Variants in SNTG1 observed in about 807,000 individuals in gnomAD.
SNTG1 encodes the protein syntrophin gamma 1, also known as gamma-1-syntrophin.
A neutral mutation model predicts 74.7 loss-of-function variants in SNTG1; 39 were observed. The ratio of observed to expected loss-of-function variants is 0.52; its 90% CI spans 0.40 to 0.68. SNTG1 has a LOEUF of 0.68. Among genes scored for constraint, SNTG1 ranks in the 30% least tolerant of loss-of-function variants. The probability of loss-of-function intolerance (pLI) is 0.00; values close to 1 mark genes in which losing one functional copy is unlikely to be tolerated. For missense variants in SNTG1, 685 were observed against 609.5 expected (o/e 1.12, Z -1.30); for synonymous variants, 254 against 217.1 (o/e 1.17, Z -1.49).
intron 17 of SNTG1, among the ~76,000 whole-genome samples, chr8:50,750,274 T>A (rs538807625): frequency 3.9e-5 from 6 of 152,134 alleles, no homozygotes; most frequent in South Asian, 4.1e-4. Context: ...TGCAATCTCA[T>A]GATAAAACTT....
intron 9 of SNTG1, among the ~76,000 whole-genome samples, chr8:50,510,272 A>G (rs182595395): frequency 1.3e-5 from 2 of 152,048 alleles, no homozygotes; most frequent in African/African-American, 2.4e-5. Context: ...AGCCCACTTG[A>G]TCATGTTGGA....
intron 2 of SNTG1, among the ~76,000 whole-genome samples, chr8:50,226,737 C>T (rs1377210762): frequency 1.3e-5 from 2 of 152,140 alleles, no homozygotes; most frequent in Non-Finnish European, 2.9e-5. Flanking sequence ...TGGTTGATGT[C>T]TCATGCCTCT....
intron 9 of SNTG1, among the ~76,000 whole-genome samples, chr8:50,506,271 A>G (rs2094005765): frequency 6.6e-6 from 1 of 152,080 alleles, no homozygotes; most frequent in Non-Finnish European, 1.5e-5. Flanking sequence ...TCTTGAGTTC[A>G]GAAAGTGTAA....
chr8:50,599,104 A>G (rs1454158360), intron 13 of SNTG1, among the ~76,000 whole-genome samples: 1 of 151,964 alleles, frequency 6.6e-6, no homozygotes, highest in East Asian at 1.9e-4. Flanking sequence ...TCCCAGCACC[A>G]TTGATTGAAG....
In SNTG1 at chr8:50,539,639, C is replaced by T. The variant is rs117129771; in HGVS notation, c.680+2831C>T. Among the ~76,000 whole-genome samples the T allele has an allele frequency of 3.9e-4, 59 of 152,254 alleles. No individual in the cohort carries two copies. The East Asian group carries it at 0.011, about 27-fold the overall frequency. Reference sequence around the variant, plus strand: ...GGAAGGGGAGGCACAGTACTTGTCCCATCTCCCACAAGCCCATTTATTCTA... The same window carrying T: ...GGAAGGGGAGGCACAGTACTTGTCCTATCTCCCACAAGCCCATTTATTCTA... On this transcript the variant is annotated intron_variant, in intron 11 of 18. Coordinates refer to ENST00000642720, the MANE Select transcript of SNTG1 (RefSeq NM_018967.5).
chr8:50,393,470 C>T (rs1428101357), intron 2 of SNTG1, among the ~76,000 whole-genome samples: 1 of 152,128 alleles, frequency 6.6e-6, no homozygotes, highest in Non-Finnish European at 1.5e-5. Context: ...TATTTTGGCT[C>T]TGCATTGCTT....
chr8:50,101,554 T>A (rs2080125035), intron 1 of SNTG1, among the ~76,000 whole-genome samples: 1 of 151,980 alleles, frequency 6.6e-6, no homozygotes, highest in African/African-American at 2.4e-5. Context: ...TTTCTTATTT[T>A]ATTTTATTTT....
intron 1 of SNTG1, among the ~76,000 whole-genome samples, chr8:50,094,378 C>A (rs997912727): frequency 3.3e-5 from 5 of 151,976 alleles, no homozygotes; most frequent in African/African-American, 9.7e-5. Context: ...AAGAAACTAT[C>A]AAGAGAGGAA....
intron 1 of SNTG1, among the ~76,000 whole-genome samples, chr8:50,002,427 G>A (rs1814827332): frequency 6.6e-6 from 1 of 151,990 alleles, no homozygotes; most frequent in Non-Finnish European, 1.5e-5. Flanking sequence ...GTTTTTCTGT[G>A]AGTTGGTTTA....
intron 2 of SNTG1, among the ~76,000 whole-genome samples, chr8:50,253,899 G>C (rs1597431): frequency 0.56 from 85,220 of 151,224 alleles, 27,670 homozygotes; most frequent in East Asian, 0.83. Flanking sequence ...TAAAGCGAGG[G>C]GAGTAGGGAG....
chr8:50,055,003 C>T (rs939923754), intron 1 of SNTG1, among the ~76,000 whole-genome samples: 12 of 152,008 alleles, frequency 7.9e-5, no homozygotes, highest in African/African-American at 2.2e-4. Context: ...TTTTTTTAAA[C>T]TTCTCTCACT....
chr8:50,625,639 C>A (rs1204263788), intron 13 of SNTG1, among the ~76,000 whole-genome samples: 3 of 152,184 alleles, frequency 2.0e-5, no homozygotes, highest in Admixed American at 6.5e-5. Flanking sequence ...GTGAAGTCAA[C>A]TTGCTAAAAG....
intron 9 of SNTG1, among the ~76,000 whole-genome samples, chr8:50,503,692 A>G (rs2129736357): frequency 6.6e-6 from 1 of 152,078 alleles, no homozygotes; most frequent in Non-Finnish European, 1.5e-5. Context: ...AGATTCACAT[A>G]TTTCTTAGTT....
At chr8:50,294,194 T>TTAAG (rs2089258351) in intron 2 of SNTG1, among the ~76,000 whole-genome samples, 1 of 152,126 alleles carries the variant, frequency 6.6e-6, no homozygotes, top group African/African-American at 2.4e-5. Context: ...ACACTTAAGA[T>TTAAG]TAAGTAATTC....
At chr8:50,314,388 T>C (rs896489559) in intron 2 of SNTG1, among the ~76,000 whole-genome samples, 1 of 149,800 alleles carries the variant, frequency 6.7e-6, no homozygotes, top group Non-Finnish European at 1.5e-5. Context: ...CTTGGATCTA[T>C]GAATTTAAAG....
intron 2 of SNTG1, among the ~76,000 whole-genome samples, chr8:50,252,926 A>C (rs2086704760): frequency 6.6e-6 from 1 of 152,202 alleles, no homozygotes; most frequent in Non-Finnish European, 1.5e-5. Flanking sequence ...AGTACATTAA[A>C]AAGTGCTCAT....
chr8:49,914,243 T>C (rs545931977), intron 1 of SNTG1, among the ~76,000 whole-genome samples: 6 of 152,262 alleles, frequency 3.9e-5, no homozygotes, highest in Middle Eastern at 3.4e-3. Context: ...CAACATTTTA[T>C]TAAGGGATAT....
At chr8:50,752,647 A>T (rs1435619817) in intron 18 of SNTG1, among the ~76,000 whole-genome samples, 1 of 152,008 alleles carries the variant, frequency 6.6e-6, no homozygotes, top group Non-Finnish European at 1.5e-5. Context: ...GTATCTATGG[A>T]CATGAAAGCT....
chr8:50,674,556 C>A (rs2095301043), intron 15 of SNTG1, among the ~76,000 whole-genome samples: 1 of 151,596 alleles, frequency 6.6e-6, no homozygotes, highest in Non-Finnish European at 1.5e-5. Context: ...TTATTTGATT[C>A]TACTCTCTTT....
Sources: allele counts gnomAD v4.1 joint callset (sites outside exome capture counted in the v4.1 genomes callset), GRCh38; gene constraint gnomAD v4.1.1; transcripts MANE v1.5; gene names NCBI Gene and HGNC (gene_info 2026-07-23, HGNC 2026-07-21).